The following ARHGAP26 variants were observed in gnomAD, a reference collection of about 807,000 sequenced individuals.
The protein encoded by ARHGAP26 is Rho GTPase activating protein 26, also known as rho GTPase-activating protein 26.
Under a neutral mutation model 104.8 loss-of-function variants are expected in ARHGAP26, and 38 were observed. The observed-to-expected ratio is 0.36, with a 90% confidence interval of 0.28 to 0.48. The LOEUF (loss-of-function observed/expected upper bound fraction) is 0.48. ARHGAP26 is among the 20% of genes least tolerant of loss of function. The pLI is 0.99. For missense variants in ARHGAP26, 704 were observed against 947.9 expected (o/e 0.74, Z 3.38); for synonymous variants, 341 against 340.0 (o/e 1.00, Z -0.03).
intron 12 of ARHGAP26, among the ~76,000 whole-genome samples, chr5:143,016,236 A>T (rs1351193300): frequency 2.6e-5 from 4 of 152,250 alleles, no homozygotes; most frequent in Admixed American, 2.0e-4. Context: ...GACCTCCCTC[A>T]AGAAAAGAAT....
chr5:142,911,551 A>G (rs2152479670), intron 9 of ARHGAP26, among the ~76,000 whole-genome samples: 1 of 152,352 alleles, frequency 6.6e-6, no homozygotes, highest in South Asian at 2.1e-4. Flanking sequence ...TTACTTGTTT[A>G]AGTGATATCC....
At chr5:142,861,896 G>A (rs531779546) in intron 1 of ARHGAP26, among the ~76,000 whole-genome samples, 6 of 152,154 alleles carry the variant, frequency 3.9e-5, no homozygotes, top group African/African-American at 1.4e-4. Context: ...TGAAGGCCTC[G>A]ATTTACCCAC....
At chr5:142,844,402 G>A (rs1286617236) in intron 1 of ARHGAP26, among the ~76,000 whole-genome samples, 1 of 150,192 alleles carries the variant, frequency 6.7e-6, no homozygotes, top group Non-Finnish European at 1.5e-5. Flanking sequence ...TGAGTTAGCA[G>A]TTTTAAAGCT....
At chr5:143,082,657 G>A (rs1186641963) in intron 17 of ARHGAP26, among the ~76,000 whole-genome samples, 1 of 152,176 alleles carries the variant, frequency 6.6e-6, no homozygotes, top group African/African-American at 2.4e-5. Context: ...TGAGTCTTGA[G>A]CCTATTTTGT....
chr5:142,808,229 T>A (rs532877976), intron 1 of ARHGAP26, among the ~76,000 whole-genome samples: 1 of 89,764 alleles, frequency 1.1e-5, no homozygotes, highest in Non-Finnish European at 1.9e-5. Flanking sequence ...AGTGAGACAT[T>A]GTCTCGGAAA....
At chr5:142,971,750 C>T (rs1772306987) in intron 11 of ARHGAP26, among the ~76,000 whole-genome samples, 1 of 152,140 alleles carries the variant, frequency 6.6e-6, no homozygotes, top group Admixed American at 6.5e-5. Context: ...AGAGGCCATA[C>T]CCTCAACTTT....
rs1780842405 is a variant in ARHGAP26 at position 143,024,986 on chromosome 5, C to A, written c.1144+10870C>A. Among the ~76,000 whole-genome samples, 5 of 152,266 alleles carry A rather than the reference C, an allele frequency of 3.3e-5. No individual in the cohort carries two copies. In the South Asian group the frequency reaches 8.3e-4, roughly 25 times the overall value. On this transcript the variant is annotated intron_variant, in intron 12 of 22. Coordinates refer to ENST00000645722, the MANE Select transcript of ARHGAP26 (RefSeq NM_001135608.3). ...GTGGGAATAGTTTTAATAATTAAAT[C>A]TTTGGTTTTTTTGGAAGAATAAATG... is the stretch of plus-strand genomic sequence containing the variant.
At chr5:143,221,316 C>G (rs1215077556) in intron 22 of ARHGAP26, among the ~76,000 whole-genome samples, 1 of 149,582 alleles carries the variant, frequency 6.7e-6, no homozygotes, top group South Asian at 2.1e-4. Context: ...AATTTTCAAA[C>G]TGGTATATAG....
rs570472462 is a variant in ARHGAP26, at chr5:142,891,180, G to A, written c.487-3058G>A. 2.9e-4 allele frequency among the ~76,000 whole-genome samples: 44 copies of A among 152,098 alleles called. 1 individual carries two copies. The highest frequency in any genetic ancestry group is 3.4e-3 in the Middle Eastern group (1 of 294). On this transcript the variant is annotated intron_variant, in intron 5 of 22. Coordinates refer to ENST00000645722, the MANE Select transcript of ARHGAP26 (RefSeq NM_001135608.3). ...AGCCGCAGGAGCCCAGTTGGAAGGCGTATCAGCCCAGTTGTCTAAGCAGCC... is the reference window on the plus strand; with the variant it reads ...AGCCGCAGGAGCCCAGTTGGAAGGCATATCAGCCCAGTTGTCTAAGCAGCC...
At chr5:142,964,387 A>C (rs1012387598) in intron 11 of ARHGAP26, among the ~76,000 whole-genome samples, 13 of 152,334 alleles carry the variant, frequency 8.5e-5, no homozygotes, top group Admixed American at 8.5e-4. Context: ...CTTTTAAAAA[A>C]ATAAGTGCGT....
chr5:142,843,065 C>G (rs910013715), intron 1 of ARHGAP26, among the ~76,000 whole-genome samples: 1 of 152,168 alleles, frequency 6.6e-6, no homozygotes, highest in East Asian at 1.9e-4. Context: ...GGACCTACCC[C>G]GCCTTTGGCA....
intron 11 of ARHGAP26, among the ~76,000 whole-genome samples, chr5:142,950,105 T>C (rs1314727685): frequency 6.6e-6 from 1 of 152,232 alleles, no homozygotes; most frequent in Non-Finnish European, 1.5e-5. Flanking sequence ...TGCCCAGAGA[T>C]AAAATACAAC....
chr5:143,056,093 C>CT lies in ARHGAP26; in HGVS notation c.1432+13dup. 1.2e-6 allele frequency: 2 copies of CT among 1,610,932 alleles called. No individual in the cohort carries two copies. The highest frequency in any genetic ancestry group is 1.7e-4 in the Middle Eastern group (1 of 6,054). On this transcript the variant is annotated splice_region_variant and intron_variant, in intron 16 of 22. Transcript: ENST00000645722. Reference sequence around the variant, plus strand: ...AGTTTCATCAAAGCAGCAAGTAAGTCTTTTTTGTCTCAGTTTTAAGGGGAA... The same window carrying CT: ...AGTTTCATCAAAGCAGCAAGTAAGTCTTTTTTTGTCTCAGTTTTAAGGGGAA...
intron 12 of ARHGAP26, among the ~76,000 whole-genome samples, chr5:143,030,564 A>T (rs1178661304): frequency 6.6e-6 from 1 of 152,210 alleles, no homozygotes; most frequent in Non-Finnish European, 1.5e-5. Flanking sequence ...TGGTTAGATC[A>T]GCCTATTCAT....
intron 11 of ARHGAP26, among the ~76,000 whole-genome samples, chr5:143,012,208 G>A (rs1391601385): frequency 6.6e-6 from 1 of 151,920 alleles, no homozygotes; most frequent in Middle Eastern, 3.2e-3. Context: ...AAGTGGCCTG[G>A]TAGCTTTAGT....
chr5:142,960,201 A>G (rs761428554), intron 11 of ARHGAP26, among the ~76,000 whole-genome samples: 5 of 152,242 alleles, frequency 3.3e-5, no homozygotes, highest in Non-Finnish European at 2.9e-5. Flanking sequence ...CTGGGTTTAC[A>G]TACTTCTGTC....
At chr5:143,085,644 C>A (rs1178050238) in intron 17 of ARHGAP26, among the ~76,000 whole-genome samples, 1 of 152,216 alleles carries the variant, frequency 6.6e-6, no homozygotes, top group Non-Finnish European at 1.5e-5. Flanking sequence ...CATGCTGTCC[C>A]TGTCCCAGAC....
chr5:142,926,832 A>T (rs1190475637), intron 10 of ARHGAP26, among the ~76,000 whole-genome samples: 1 of 152,016 alleles, frequency 6.6e-6, no homozygotes, highest in Non-Finnish European at 1.5e-5. Context: ...CATACTTACC[A>T]TCCTGTTCCT....
At position 142,876,739 on chromosome 5, in the gene ARHGAP26, T is replaced by A. The variant is rs76718142; in HGVS notation, c.312+1568T>A. ...CTGCAGTGATCTGTGATTGAACCAT[T>A]GCACTCCAGCCTGGGCAACAGAGCA... On this transcript the variant is annotated intron_variant, in intron 3 of 22. Transcript: ENST00000645722. 0.019 allele frequency among the ~76,000 whole-genome samples: 2,507 copies of A among 134,572 alleles called. 175 individuals carry two copies. In the East Asian group the frequency reaches 0.25, roughly 13 times the overall value. The allele number at this position is 134,572 out of a possible 152,430, so 88.3% of individuals were successfully genotyped here.
Sources: allele counts gnomAD v4.1 joint callset (sites outside exome capture counted in the v4.1 genomes callset), GRCh38; gene constraint gnomAD v4.1.1; transcripts MANE v1.5; gene names NCBI Gene and HGNC (gene_info 2026-07-23, HGNC 2026-07-21).